The following SLC38A6 variants were observed in gnomAD, a reference collection of about 807,000 sequenced individuals.
SLC38A6 encodes solute carrier family 38 member 6.
SLC38A6 carries 73 observed loss-of-function variants against 65.0 expected under a neutral mutation model. The ratio of observed to expected loss-of-function variants is 1.12; its 90% CI spans 0.93 to 1.37. The LOEUF (loss-of-function observed/expected upper bound fraction) is 1.37, where lower values mean the gene tolerates loss of function less well. SLC38A6 is among the 40% of genes most tolerant of loss of function. The pLI is 0.00. For missense variants in SLC38A6, 561 were observed against 531.1 expected (o/e 1.06, Z -0.55); for synonymous variants, 183 against 178.8 (o/e 1.02, Z -0.19).
At chr14:61,083,536 G>T in intron 16 of SLC38A6, 1 of 1,547,904 alleles carries the variant, frequency 6.5e-7, no homozygotes, top group Non-Finnish European at 8.7e-7. Flanking sequence ...CAATGTGACT[G>T]GTGTTCTTGT....
At chr14:60,990,033 TTTTC>T (rs1356570433) in intron 3 of SLC38A6, among the ~76,000 whole-genome samples, 1 of 141,892 alleles carries the variant, frequency 7.0e-6, no homozygotes, top group Non-Finnish European at 1.6e-5. Context: ...TTTTCCCTTC[TTTTC>T]TTTTTTTTTT....
chr14:61,015,394 C>T (rs979452806), intron 3 of SLC38A6, among the ~76,000 whole-genome samples: 2 of 152,126 alleles, frequency 1.3e-5, no homozygotes, highest in African/African-American at 4.8e-5. Flanking sequence ...CTGTCCTGCA[C>T]CCACTGTCCA....
intron 16 of SLC38A6, among the ~76,000 whole-genome samples, chr14:61,082,382 T>C (rs2140011433): frequency 6.6e-6 from 1 of 152,318 alleles, no homozygotes; most frequent in East Asian, 1.9e-4. Context: ...GTTGCCATGA[T>C]GGGTCTCTGC....
chr14:60,994,895 T>C (rs2038168363), intron 3 of SLC38A6, among the ~76,000 whole-genome samples: 1 of 149,018 alleles, frequency 6.7e-6, no homozygotes, highest in Non-Finnish European at 1.5e-5. Flanking sequence ...TCCCAGCTAC[T>C]TGGGAGGCTG....
At chr14:61,015,525 A>ATATGT (rs10690542) in intron 3 of SLC38A6, among the ~76,000 whole-genome samples, 5 of 151,902 alleles carry the variant, frequency 3.3e-5, no homozygotes, top group African/African-American at 9.7e-5. Context: ...CAGAAATGAG[A>ATATGT]TAGAGAAACA....
In SLC38A6 at chr14:60,998,381, G is replaced by A. The variant is rs144689111; in HGVS notation, c.310+13578G>A. ...AAGAGGAGCACAGTAAAGGAGAGAA[G>A]AGAAGGAGTGTTTGAACGTCAAGGA... On this transcript the variant is annotated intron_variant, in intron 3 of 15. Transcript: ENST00000267488. Among the ~76,000 whole-genome samples the A allele has an allele frequency of 8.2e-3, 1,244 of 152,164 alleles. 11 individuals are homozygous for A. The highest frequency in any genetic ancestry group is 0.013 in the Admixed American group (199 of 15,274).
At chr14:60,999,706 G>A (rs2038567946) in intron 3 of SLC38A6, among the ~76,000 whole-genome samples, 1 of 152,176 alleles carries the variant, frequency 6.6e-6, no homozygotes, top group African/African-American at 2.4e-5. Flanking sequence ...TATCATGGAG[G>A]GAATATCATA....
chr14:60,982,664 A>T (rs772307893), intron 2 of SLC38A6, 26 bp downstream of exon 2: 40 of 1,571,224 alleles, frequency 2.5e-5, no homozygotes, highest in East Asian at 1.1e-4. Flanking sequence ...TTAGCATCAA[A>T]TTTTTTTTTC....
At chr14:60,990,913 CTCAAGCAA>C (rs2037834819) in intron 3 of SLC38A6, among the ~76,000 whole-genome samples, 1 of 152,122 alleles carries the variant, frequency 6.6e-6, no homozygotes, top group Non-Finnish European at 1.5e-5. Flanking sequence ...CCAACACCAG[CTCAAGCAA>C]TCCTCCTGCC....
intron 16 of SLC38A6, among the ~76,000 whole-genome samples, chr14:61,080,770 T>C (rs2043613014): frequency 6.6e-6 from 1 of 152,174 alleles, no homozygotes. Context: ...GTCACTGCTG[T>C]TGGTTTCGCT....
chr14:61,069,123 G>A (rs2043134380), intron 15 of SLC38A6, among the ~76,000 whole-genome samples: 1 of 152,170 alleles, frequency 6.6e-6, no homozygotes, highest in Admixed American at 6.6e-5. Flanking sequence ...AAATCTCTGA[G>A]GGTTACGACC....
chr14:61,075,789 G>GTA (rs1324384314), intron 15 of SLC38A6, among the ~76,000 whole-genome samples: 1 of 131,752 alleles, frequency 7.6e-6, no homozygotes, highest in Non-Finnish European at 1.6e-5. Context: ...GTGTGTGTGT[G>GTA]TGTGTGTGTG....
intron 13 of SLC38A6, 25 bp from the exon 14 acceptor site, chr14:61,051,762 A>G (rs749959635): frequency 6.8e-6 from 11 of 1,607,852 alleles, no homozygotes; most frequent in Middle Eastern, 1.7e-4. Context: ...CCTCTTCGCT[A>G]TATGTTTATT....
At chr14:60,981,419 C>T in intron 1 of SLC38A6, 37 bp downstream of exon 1, 1 of 1,555,746 alleles carries the variant, frequency 6.4e-7, no homozygotes, top group Non-Finnish European at 8.7e-7. Flanking sequence ...CGCTGACGCC[C>T]TCCGGCTTCC....
chr14:60,996,845 C>A (rs1226671721), intron 3 of SLC38A6, among the ~76,000 whole-genome samples: 1 of 152,106 alleles, frequency 6.6e-6, no homozygotes, highest in African/African-American at 2.4e-5. Flanking sequence ...ACAATGCCTT[C>A]AAAATTCCTG....
At chr14:61,005,860 G>A (rs1044717608) in intron 3 of SLC38A6, among the ~76,000 whole-genome samples, 20 of 152,064 alleles carry the variant, frequency 1.3e-4, no homozygotes, top group South Asian at 2.1e-4. Context: ...AAAAGAGCCC[G>A]CATTGCCAAG....
intron 3 of SLC38A6, among the ~76,000 whole-genome samples, chr14:61,006,873 CAT>C (rs1194446913): frequency 2.6e-5 from 4 of 152,166 alleles, no homozygotes; most frequent in Non-Finnish European, 5.9e-5. Context: ...CACATGCACA[CAT>C]ATGTTTATTG....
chr14:60,996,659 G>A (rs948284426), intron 3 of SLC38A6, among the ~76,000 whole-genome samples: 2 of 152,124 alleles, frequency 1.3e-5, no homozygotes, highest in African/African-American at 4.8e-5. Context: ...ATACTTGTAA[G>A]ATAATTGTTA....
At chr14:61,055,106 C>CTTTTTTTTTTTT (rs1280245361), downstream of SLC38A6, among the ~76,000 whole-genome samples, 40 of 63,272 alleles carry the variant, frequency 6.3e-4, no homozygotes, top group East Asian at 9.4e-4. Flanking sequence ...AAGTCTTTTT[C>CTTTTTTTTTTTT]TTTTTTTTTT....
Sources: allele counts gnomAD v4.1 joint callset (sites outside exome capture counted in the v4.1 genomes callset), GRCh38; gene constraint gnomAD v4.1.1; transcripts MANE v1.5; gene names NCBI Gene and HGNC (gene_info 2026-07-23, HGNC 2026-07-21).